The following GDE1 variants were observed in gnomAD, a reference collection of about 807,000 sequenced individuals.
The protein encoded by GDE1 is glycerophosphodiester phosphodiesterase 1, also known as RGS16-interacting membrane protein.
GDE1 carries 24 observed loss-of-function variants against 32.2 expected under a neutral mutation model. That is an observed-to-expected ratio of 0.75 (90% CI 0.54 to 1.05). The LOEUF is 1.05. Among genes scored for constraint, GDE1 ranks in the 50% least tolerant of loss-of-function variants. The pLI is 0.00. For missense variants in GDE1, 380 were observed against 415.0 expected (o/e 0.92, Z 0.73); for synonymous variants, 159 against 158.6 (o/e 1.00, Z -0.02).
intron 2 of GDE1, among the ~76,000 whole-genome samples, chr16:19,513,697 A>G (rs1001318747): frequency 6.6e-6 from 1 of 152,218 alleles, no homozygotes; most frequent in Non-Finnish European, 1.5e-5. Flanking sequence ...GTAATTAACC[A>G]TATTATCCAG....
intron 3 of GDE1, among the ~76,000 whole-genome samples, chr16:19,508,174 C>T (rs1253793990): frequency 6.6e-6 from 1 of 152,092 alleles, no homozygotes; most frequent in East Asian, 1.9e-4. Context: ...GAAACATGAG[C>T]CAGCCAGTCT....
chr16:19,505,772 A>G (rs1567335494), intron 4 of GDE1, among the ~76,000 whole-genome samples: 1 of 152,218 alleles, frequency 6.6e-6, no homozygotes, highest in Non-Finnish European at 1.5e-5. Context: ...GCTTCTATTG[A>G]TAGGCTCTAT....
chr16:19,503,895 G>A (rs555678268), intron 5 of GDE1: 8 of 334,522 alleles, frequency 2.4e-5, no homozygotes, highest in South Asian at 1.0e-4. Flanking sequence ...ACCTGGCCCC[G>A]ACCTGTCTCC....
chr16:19,515,632 A>G (rs2151448698), intron 2 of GDE1, among the ~76,000 whole-genome samples: 1 of 152,298 alleles, frequency 6.6e-6, no homozygotes, highest in East Asian at 1.9e-4. Flanking sequence ...ATCTGATGAC[A>G]CTCAAGAACA....
chr16:19,508,374 A>G (rs950198431), intron 3 of GDE1, among the ~76,000 whole-genome samples: 8 of 152,336 alleles, frequency 5.3e-5, no homozygotes, highest in African/African-American at 1.9e-4. Flanking sequence ...AGAAGACATG[A>G]TAGAATTTAA....
At chr16:19,517,282 G>C in intron 1 of GDE1, 93 bp from the exon 2 acceptor site, 1 of 934,692 alleles carries the variant, frequency 1.1e-6, no homozygotes. Context: ...TCCTAAGACA[G>C]CTGTCCTTTT....
At chr16:19,517,627 G>A (rs544567059) in intron 1 of GDE1, among the ~76,000 whole-genome samples, 2 of 152,286 alleles carry the variant, frequency 1.3e-5, no homozygotes, top group South Asian at 2.1e-4. Flanking sequence ...TCAGGTTTTT[G>A]TTGGTTTAAT....
In GDE1 at chr16:19,505,007, T is replaced by C. The variant is rs376550940; in HGVS notation, c.722A>G (p.Tyr241Cys). Reference protein sequence around the residue: ...LSHTGDGKPRYDTFWKHFIFV... With the variant: ...LSHTGDGKPRCDTFWKHFIFV... ...TATAAAATGTTTCCAGAAAGTATCATAGCGTGGTTTCCCATCTCCTGTATG... is the reference window on the plus strand; with the variant it reads ...TATAAAATGTTTCCAGAAAGTATCACAGCGTGGTTTCCCATCTCCTGTATG... The change falls in exon 5 of 6, where the codon TAT (tyrosine) becomes TGT (cysteine). Residue 241 changes from tyrosine to cysteine, a missense_variant. Transcript: ENST00000353258. The C allele has an allele frequency of 2.1e-5, 34 of 1,612,450 alleles. No homozygotes were observed. The highest frequency in any genetic ancestry group is 2.7e-5 in the Non-Finnish European group (32 of 1,178,538).
chr16:19,506,635 G>A (rs534613094), intron 4 of GDE1, among the ~76,000 whole-genome samples: 8 of 151,744 alleles, frequency 5.3e-5, no homozygotes, highest in South Asian at 2.1e-4. Flanking sequence ...GCAAGACTCC[G>A]TCTCAAAAAC....
In GDE1 at chr16:19,517,062, G is replaced by A; in HGVS notation, c.389C>T (p.Thr130Ile). 1 of 1,614,188 alleles carries A rather than the reference G, an allele frequency of 6.2e-7. No homozygotes were observed. The highest frequency in any genetic ancestry group is 8.5e-7 in the Non-Finnish European group (1 of 1,180,018). ...ATTCAGCTTCCTAATTTGTTCAAAT[G>A]TCAAATCACACAATCGCCCAGTCCC... ...TDGTGRLCDL[T>I]FEQIRKLNPA... The change falls in exon 2 of 6, where the codon ACA becomes ATA. Residue 130 changes from threonine (T) to isoleucine (I), a missense_variant. Thr to Ile is a moderately conservative substitution (Grantham distance 89, BLOSUM62 -1). Coordinates refer to ENST00000353258, the MANE Select transcript of GDE1 (RefSeq NM_016641.4).
Position 19,517,034 on chromosome 16 carries a change from A to T in GDE1, c.417T>A (p.Pro139=), listed in dbSNP as rs1335726422. Reference sequence around the variant, plus strand: ...CTTACCTGAGTCTGTGGTTTGCTGCAGGATTCAGCTTCCTAATTTGTTCAA... The same window carrying T: ...CTTACCTGAGTCTGTGGTTTGCTGCTGGATTCAGCTTCCTAATTTGTTCAA... The part of the protein sequence containing the change: ...LTFEQIRKLN[P]AANHRLRNDF... Residue 139 remains proline (P), a synonymous_variant, in exon 2 of 6, where the codon CCT becomes CCA. Coordinates refer to ENST00000353258, the MANE Select transcript of GDE1 (RefSeq NM_016641.4). The T allele has an allele frequency of 6.2e-7, 1 of 1,614,146 alleles. No homozygotes were observed. The highest frequency in any genetic ancestry group is 1.1e-5 in the South Asian group (1 of 91,074).
In GDE1 at chr16:19,510,922, T is replaced by C; in HGVS notation, c.460A>G (p.Ile154Val). The change falls in exon 3 of 6, where the codon ATC becomes GTC. Residue 154 changes from isoleucine to valine, a missense_variant. Physicochemically the swap from Ile to Val is conservative, Grantham distance 29. Coordinates refer to ENST00000353258, the MANE Select transcript of GDE1 (RefSeq NM_016641.4). ...GCAACAGCTTCCCTTAGGGTAGGGA[T>C]CTTTTCATCAGGGAAATCATTCCTG... ...RLRNDFPDEK[I>V]PTLREAVAEC... 1.3e-6 allele frequency: 2 copies of C among 1,585,318 alleles called. No individual in the cohort carries two copies. The highest frequency in any genetic ancestry group is 1.7e-6 in the Non-Finnish European group (2 of 1,157,494).
chr16:19,515,233 C>T (rs1969366422), intron 2 of GDE1, among the ~76,000 whole-genome samples: 1 of 152,162 alleles, frequency 6.6e-6, no homozygotes, highest in African/African-American at 2.4e-5. Context: ...ACAAGCATCT[C>T]ATCACACTGA....
chr16:19,507,306 G>C (rs753787693), intron 4 of GDE1, among the ~76,000 whole-genome samples: 4 of 151,992 alleles, frequency 2.6e-5, no homozygotes, highest in Non-Finnish European at 4.4e-5. Context: ...CAGTTAAAGG[G>C]GGGGTACACT....
chr16:19,510,971 A>G (rs1485973794), intron 2 of GDE1, 27 bp from the exon 3 acceptor site: 2 of 1,125,014 alleles, frequency 1.8e-6, no homozygotes, highest in Non-Finnish European at 2.7e-6. Context: ...AATACGTTGT[A>G]GGAAAAAAGA....
In GDE1 at chr16:19,521,802, C is replaced by T; in HGVS notation, c.163G>A (p.Ala55Thr). ...TCCCGGGGCTTGAGCACCTGCAGGG[C>T]CCTGCAAGAGGGCACCGGCTCAAAG... is the stretch of plus-strand genomic sequence containing the variant. ...FSFEPVPSCRALQVLKPRDRI... is the reference protein window; with the variant it reads ...FSFEPVPSCRTLQVLKPRDRI... The change falls in exon 1 of 6, where the codon GCC (alanine) becomes ACC (threonine). Residue 55 changes from alanine to threonine, a missense_variant. Ala to Thr is a moderately conservative substitution (Grantham distance 58). Transcript: ENST00000353258. 6.2e-7 allele frequency: 1 copy of T among 1,611,592 alleles called. No homozygotes were observed. The highest frequency in any genetic ancestry group is 1.3e-5 in the African/African-American group (1 of 75,052).
chr16:19,513,896 G>C (rs1484738372), intron 2 of GDE1, among the ~76,000 whole-genome samples: 1 of 152,174 alleles, frequency 6.6e-6, no homozygotes, highest in East Asian at 1.9e-4. Flanking sequence ...TTTTAGAAAG[G>C]TTAAGACAAC....
intron 2 of GDE1, among the ~76,000 whole-genome samples, chr16:19,513,424 T>TA (rs1342219267): frequency 6.6e-6 from 1 of 152,176 alleles, no homozygotes; most frequent in Middle Eastern, 3.2e-3. Flanking sequence ...ATTATTTACG[T>TA]ATAGACATGC....
intron 1 of GDE1, among the ~76,000 whole-genome samples, chr16:19,518,638 C>T (rs1202050847): frequency 2.0e-5 from 3 of 152,196 alleles, no homozygotes; most frequent in Non-Finnish European, 4.4e-5. Flanking sequence ...TGGTGTATAT[C>T]ATTCTCATGT....
Sources: gnomAD v4.1 joint callset for allele counts (sites outside exome capture counted in the v4.1 genomes callset) on GRCh38, gnomAD v4.1.1 for gene constraint, MANE v1.5 for transcripts, NCBI Gene and HGNC (gene_info 2026-07-23, HGNC 2026-07-21) for gene names.